The following FLI1 variants were observed in gnomAD, a reference collection of about 807,000 sequenced individuals.
FLI1 encodes Fli-1 proto-oncogene, ETS transcription factor.
FLI1 carries 13 observed loss-of-function variants against 53.1 expected under a neutral mutation model. That is an observed-to-expected ratio of 0.24 (90% CI 0.16 to 0.39). The LOEUF is 0.39. Ranked by LOEUF, FLI1 falls within the 10% of genes least tolerant of loss-of-function variation. The pLI is 1.00. For synonymous variants in FLI1, 244 were observed against 236.7 expected (o/e 1.03, Z -0.28); for missense variants, 424 against 600.5 (o/e 0.71, Z 3.07).
At chr11:128,792,529 A>G (rs1157301598) in intron 5 of FLI1, among the ~76,000 whole-genome samples, 1 of 152,156 alleles carries the variant, frequency 6.6e-6, no homozygotes, top group Non-Finnish European at 1.5e-5. Flanking sequence ...TTATCAGTCA[A>G]ATTCTTTCTT....
intron 4 of FLI1, among the ~76,000 whole-genome samples, chr11:128,780,092 C>A (rs536696109): frequency 6.6e-6 from 1 of 152,146 alleles, no homozygotes; most frequent in Non-Finnish European, 1.5e-5. Flanking sequence ...AGGAACTTGT[C>A]CCAGCCTTAC....
intron 5 of FLI1, among the ~76,000 whole-genome samples, chr11:128,796,082 A>G (rs1394960158): frequency 6.6e-6 from 1 of 150,504 alleles, no homozygotes; most frequent in Admixed American, 6.6e-5. Context: ...AGGCAAAGCA[A>G]GGAGTTCTGA....
At chr11:128,759,028 G>A (rs1019561494) in intron 2 of FLI1, among the ~76,000 whole-genome samples, 3 of 152,210 alleles carry the variant, frequency 2.0e-5, no homozygotes, top group Non-Finnish European at 4.4e-5. Flanking sequence ...TCTCAAACAG[G>A]ACTGGGATAT....
At chr11:128,787,598 T>G (rs1942129162) in intron 5 of FLI1, among the ~76,000 whole-genome samples, 1 of 152,202 alleles carries the variant, frequency 6.6e-6, no homozygotes, top group Non-Finnish European at 1.5e-5. Context: ...ACAAGGTGCT[T>G]ACATTTTTCT....
intron 1 of FLI1, among the ~76,000 whole-genome samples, chr11:128,750,297 G>C (rs1940588295): frequency 6.6e-6 from 1 of 152,182 alleles, no homozygotes. Context: ...GTCCTTAGGA[G>C]ATTCAGGGCA....
At chr11:128,708,543 G>A (rs1215648369) in intron 1 of FLI1, among the ~76,000 whole-genome samples, 1 of 152,066 alleles carries the variant, frequency 6.6e-6, no homozygotes, top group Non-Finnish European at 1.5e-5. Flanking sequence ...GGCTGGCTTC[G>A]TGACATTGGA....
chr11:128,777,840 G>GCC (rs36062421), intron 4 of FLI1, among the ~76,000 whole-genome samples: 1 of 152,036 alleles, frequency 6.6e-6, no homozygotes, highest in African/African-American at 2.4e-5. Context: ...GGACGCTTGC[G>GCC]CCCCCTGGCC....
chr11:128,736,358 G>T (rs984680423), intron 1 of FLI1, among the ~76,000 whole-genome samples: 1 of 152,202 alleles, frequency 6.6e-6, no homozygotes, highest in Admixed American at 6.5e-5. Context: ...CACAGCTTTT[G>T]GCGGTAGCAT....
At chr11:128,744,491 C>A (rs542557131) in intron 1 of FLI1, among the ~76,000 whole-genome samples, 1 of 152,202 alleles carries the variant, frequency 6.6e-6, no homozygotes, top group Non-Finnish European at 1.5e-5. Flanking sequence ...CTATTATTAT[C>A]GCTAGTTTTC....
intron 2 of FLI1, among the ~76,000 whole-genome samples, chr11:128,766,209 C>T (rs1434135231): frequency 6.6e-6 from 1 of 152,192 alleles, no homozygotes; most frequent in African/African-American, 2.4e-5. Context: ...CTGACTGGGA[C>T]TGCTTCATCT....
At chr11:128,751,437 C>T (rs536722874) in intron 1 of FLI1, among the ~76,000 whole-genome samples, 1 of 152,098 alleles carries the variant, frequency 6.6e-6, no homozygotes, top group Non-Finnish European at 1.5e-5. Flanking sequence ...GCAGCCTCCA[C>T]CTCCTGGGCT....
At chr11:128,698,733 T>TGTGTGTGTGTGTGTGTGA (rs766077047) in intron 1 of FLI1, among the ~76,000 whole-genome samples, 2 of 133,728 alleles carry the variant, frequency 1.5e-5, no homozygotes, top group African/African-American at 2.8e-5. Flanking sequence ...TGTGTGTGTG[T>TGTGTGTGTGTGTGTGTGA]GAGAGAGAGA....
At chr11:128,791,337 C>T (rs79464641) in intron 5 of FLI1, among the ~76,000 whole-genome samples, 2,971 of 152,240 alleles carry the variant, frequency 0.02, 39 homozygotes, top group Non-Finnish European at 0.032. Flanking sequence ...ACCTTTCATC[C>T]GTCTCAGTCC....
At chr11:128,720,667 A>G (rs1383433081) in intron 1 of FLI1, among the ~76,000 whole-genome samples, 1 of 152,190 alleles carries the variant, frequency 6.6e-6, no homozygotes, top group Non-Finnish European at 1.5e-5. Flanking sequence ...CTCTTTTTGC[A>G]TAGGCTGTCT....
At chr11:128,717,352 C>A (rs886324245) in intron 1 of FLI1, among the ~76,000 whole-genome samples, 1 of 152,154 alleles carries the variant, frequency 6.6e-6, no homozygotes, top group Non-Finnish European at 1.5e-5. Context: ...GTTTTGCTAT[C>A]GTGTGACATT....
At chr11:128,785,834 C>T (rs377362507) in intron 5 of FLI1, among the ~76,000 whole-genome samples, 32 of 152,178 alleles carry the variant, frequency 2.1e-4, no homozygotes, top group African/African-American at 3.1e-4. Flanking sequence ...TTACCAGGAG[C>T]GGCAAGGAGT....
chr11:128,756,280 G>T (rs994146528), intron 1 of FLI1, among the ~76,000 whole-genome samples: 4 of 152,170 alleles, frequency 2.6e-5, no homozygotes, highest in African/African-American at 9.7e-5. Context: ...TTTCCTCAGA[G>T]GCCTCTCTCC....
chr11:128,775,792 T>C (rs1565494358), intron 4 of FLI1, among the ~76,000 whole-genome samples: 1 of 152,188 alleles, frequency 6.6e-6, no homozygotes, highest in East Asian at 1.9e-4. Context: ...TGTCCTTTCA[T>C]TGGAGAGGAA....
At chr11:128,742,167 C>T (rs939866141) in intron 1 of FLI1, among the ~76,000 whole-genome samples, 6 of 152,274 alleles carry the variant, frequency 3.9e-5, no homozygotes, top group Admixed American at 6.5e-5. Flanking sequence ...TAATAATCTG[C>T]GTTTCACCCA....
Sources: gnomAD v4.1 joint callset for allele counts (sites outside exome capture counted in the v4.1 genomes callset) on GRCh38, gnomAD v4.1.1 for gene constraint, MANE v1.5 for transcripts, NCBI Gene and HGNC (gene_info 2026-07-23, HGNC 2026-07-21) for gene names.